CCDC7: variants seen among roughly 807,000 people sequenced by gnomAD.
CCDC7 encodes coiled-coil domain containing 7, also known as coiled-coil domain-containing protein 7.
Under a neutral mutation model 196.9 loss-of-function variants are expected in CCDC7, and 183 were observed. That is an observed-to-expected ratio of 0.93 (90% CI 0.82 to 1.05). CCDC7 has a LOEUF of 1.05. Among genes scored for constraint, CCDC7 ranks in the 50% least tolerant of loss-of-function variants. The pLI is 0.00. For missense variants in CCDC7, 1,540 were observed against 1,482.2 expected, an observed-to-expected ratio of 1.04 and a Z score of -0.64; for synonymous variants, 525 against 484.6, an observed-to-expected ratio of 1.08 and a Z score of -1.10.
At chr10:32,793,190 A>C (rs2082999105) in intron 29 of CCDC7, among the ~76,000 whole-genome samples, 1 of 152,184 alleles carries the variant, frequency 6.6e-6, no homozygotes, top group Non-Finnish European at 1.5e-5. Context: ...ATTCTTTACT[A>C]CTTTTATGTC....
intron 41 of CCDC7, among the ~76,000 whole-genome samples, chr10:32,866,758 A>T (rs928736769): frequency 5.3e-5 from 8 of 151,630 alleles, no homozygotes; most frequent in South Asian, 2.1e-4. Flanking sequence ...ATAGATTTTT[A>T]AAAAAATTAA....
intron 32 of CCDC7, among the ~76,000 whole-genome samples, chr10:32,827,414 C>G (rs868024663): frequency 6.6e-6 from 1 of 152,170 alleles, no homozygotes; most frequent in Non-Finnish European, 1.5e-5. Context: ...CTGGAATAGA[C>G]ACTTACTCCG....
chr10:32,759,399 T>C (rs2077044986), intron 28 of CCDC7, among the ~76,000 whole-genome samples: 1 of 152,136 alleles, frequency 6.6e-6, no homozygotes, highest in South Asian at 2.1e-4. Context: ...AACAGAGATA[T>C]GGACCAATGG....
intron 41 of CCDC7, among the ~76,000 whole-genome samples, chr10:32,858,569 G>A (rs2093847830): frequency 6.6e-6 from 1 of 152,108 alleles, no homozygotes; most frequent in Non-Finnish European, 1.5e-5. Flanking sequence ...CATAATCTCA[G>A]ATGATCCCCC....
In CCDC7 at chr10:32,463,184, G is replaced by T. The variant is rs140092049; in HGVS notation, c.510+135G>T. ...GGTTATAAAGTAACCTTTTGGTTTG[G>T]GTAGACAAGGAATAAGTGGATGGGA... is the stretch of plus-strand genomic sequence containing the variant. On this transcript the variant is annotated intron_variant, in intron 5 of 41. Transcript: ENST00000639629. The T allele has an allele frequency of 3.4e-5, 38 of 1,122,240 alleles. No individual in the cohort carries two copies. The Middle Eastern group carries it at 9.2e-4, about 27-fold the overall frequency. The allele number at this position is 1,122,240 out of a possible 1,614,324, so 69.5% of individuals were successfully genotyped here.
intron 9 of CCDC7, 112 bp downstream of exon 10, chr10:32,492,109 A>G: frequency 9.8e-7 from 1 of 1,022,528 alleles, no homozygotes; most frequent in East Asian, 3.4e-5. Flanking sequence ...GTACGTGTTT[A>G]TTGCAGAAAT....
intron 28 of CCDC7, among the ~76,000 whole-genome samples, chr10:32,736,454 T>TATG (rs1440651526): frequency 6.6e-6 from 1 of 152,162 alleles, no homozygotes; most frequent in African/African-American, 2.4e-5. Flanking sequence ...GTTAGTTACA[T>TATG]ATGTATACAT....
At chr10:32,742,271 G>A (rs558364083) in intron 28 of CCDC7, among the ~76,000 whole-genome samples, 30 of 152,160 alleles carry the variant, frequency 2.0e-4, no homozygotes, top group African/African-American at 7.0e-4. Context: ...CCCCCACACA[G>A]ACTCCCCACT....
At chr10:32,666,881 G>A (rs1048832651) in intron 21 of CCDC7, among the ~76,000 whole-genome samples, 3 of 152,026 alleles carry the variant, frequency 2.0e-5, no homozygotes, top group Admixed American at 6.6e-5. Context: ...AATCCTTTGG[G>A]TATATACCCA....
chr10:32,839,330 T>C (rs1263860987), intron 33 of CCDC7, among the ~76,000 whole-genome samples: 1 of 151,660 alleles, frequency 6.6e-6, no homozygotes, highest in Non-Finnish European at 1.5e-5. Flanking sequence ...CCTGTGCAAA[T>C]GGACATCAAA....
chr10:32,742,048 T>C (rs2085944095), intron 28 of CCDC7, among the ~76,000 whole-genome samples: 2 of 152,240 alleles, frequency 1.3e-5, no homozygotes, highest in South Asian at 4.1e-4. Context: ...AGGCCAGTTC[T>C]CATGAACAAC....
intron 41 of CCDC7, among the ~76,000 whole-genome samples, chr10:32,870,027 G>A (rs900440873): frequency 2.0e-5 from 3 of 152,004 alleles, no homozygotes; most frequent in Non-Finnish European, 2.9e-5. Flanking sequence ...GTCAGGTAGC[G>A]TGATGCCTCC....
chr10:32,830,140 A>ATATATATATATATATATATATATATATC (rs1352900669), intron 32 of CCDC7, among the ~76,000 whole-genome samples: 1 of 123,380 alleles, frequency 8.1e-6, no homozygotes, highest in African/African-American at 2.6e-5. Flanking sequence ...ATATATATAT[A>ATATATATATATATATATATATATATATC]TCCTATTAGT....
intron 28 of CCDC7, among the ~76,000 whole-genome samples, chr10:32,751,773 G>T (rs1289570141): frequency 6.6e-6 from 1 of 152,016 alleles, no homozygotes; most frequent in Non-Finnish European, 1.5e-5. Context: ...AATTTTATAG[G>T]CATGAACTCA....
chr10:32,742,156 T>G (rs2085962363), intron 28 of CCDC7, among the ~76,000 whole-genome samples: 1 of 152,172 alleles, frequency 6.6e-6, no homozygotes, highest in Non-Finnish European at 1.5e-5. Flanking sequence ...ATCTTTGAGA[T>G]TAAATATTCC....
intron 29 of CCDC7, among the ~76,000 whole-genome samples, chr10:32,785,622 G>T (rs1315288704): frequency 6.6e-6 from 1 of 152,062 alleles, no homozygotes; most frequent in Non-Finnish European, 1.5e-5. Context: ...TTTTTTTAAA[G>T]TAGAGGACAT....
At chr10:32,831,572 A>G (rs2092176566) in intron 32 of CCDC7, among the ~76,000 whole-genome samples, 2 of 152,292 alleles carry the variant, frequency 1.3e-5, no homozygotes, top group East Asian at 1.9e-4. Flanking sequence ...TCCTTATTCA[A>G]TAAGCTGCTT....
intron 13 of CCDC7, among the ~76,000 whole-genome samples, chr10:32,560,000 A>C (rs539427284): frequency 6.6e-6 from 1 of 152,240 alleles, no homozygotes; most frequent in South Asian, 2.1e-4. Context: ...GCTGAAAACC[A>C]AGGCTCGAGA....
chr10:32,851,027 T>A (rs183027415), intron 39 of CCDC7, among the ~76,000 whole-genome samples: 8 of 152,298 alleles, frequency 5.3e-5, no homozygotes. Context: ...GATACCAGAA[T>A]GGAATGCAGG....
Sources: gnomAD v4.1 joint callset for allele counts (sites outside exome capture counted in the v4.1 genomes callset) on GRCh38, gnomAD v4.1.1 for gene constraint, MANE v1.5 for transcripts, NCBI Gene and HGNC (gene_info 2026-07-23, HGNC 2026-07-21) for gene names.